Variants in ARHGEF3 observed in about 807,000 individuals in gnomAD.
ARHGEF3 encodes 59.8 kDA protein.
ARHGEF3 carries 28 observed loss-of-function variants against 63.2 expected under a neutral mutation model. The observed-to-expected ratio is 0.44, with a 90% CI of 0.33 to 0.61. ARHGEF3 has a LOEUF of 0.61. Among genes scored for constraint, ARHGEF3 ranks in the 20% least tolerant of loss-of-function variants. The pLI is 0.03. For missense variants in ARHGEF3, 533 were observed against 659.3 expected, an observed-to-expected ratio of 0.81 and a Z score of 2.10; for synonymous variants, 266 against 254.2, an observed-to-expected ratio of 1.05 and a Z score of -0.44.
chr3:56,994,377 C>CTGAA (rs1701893422), intron 2 of ARHGEF3, among the ~76,000 whole-genome samples: 1 of 152,140 alleles, frequency 6.6e-6, no homozygotes, highest in Non-Finnish European at 1.5e-5. Flanking sequence ...GGGCACTGAC[C>CTGAA]TGAATCATCC....
At chr3:56,939,653 G>A (rs565183072) in intron 3 of ARHGEF3, 1 of 152,084 alleles carries the variant, frequency 6.6e-6, no homozygotes, top group African/African-American at 2.4e-5. Context: ...CAAACAGGCT[G>A]TTCTTGCTCC....
intron 7 of ARHGEF3, 149 bp downstream of exon 7, chr3:56,745,056 A>G: frequency 9.5e-7 from 1 of 1,049,160 alleles, no homozygotes; most frequent in Non-Finnish European, 1.4e-6. Context: ...TTGCAAAATC[A>G]AAACATGGTT....
intron 1 of ARHGEF3, among the ~76,000 whole-genome samples, chr3:57,065,672 C>A (rs1348679419): frequency 6.6e-6 from 1 of 152,106 alleles, no homozygotes; most frequent in East Asian, 1.9e-4. Flanking sequence ...ATACCATGTT[C>A]TCATACAGGC....
At chr3:56,809,403 G>A (rs9859920) in intron 4 of ARHGEF3, among the ~76,000 whole-genome samples, 37,953 of 152,050 alleles carry the variant, frequency 0.25, 5,148 homozygotes, top group African/African-American at 0.34. Context: ...TTTGTTTTGG[G>A]GGGCAGAAAT....
At chr3:57,033,646 C>T (rs1485760593) in intron 2 of ARHGEF3, among the ~76,000 whole-genome samples, 1 of 152,022 alleles carries the variant, frequency 6.6e-6, no homozygotes, top group Non-Finnish European at 1.5e-5. Flanking sequence ...GTGGTTACTT[C>T]TGGGAAGGGC....
rs534104881 is a variant in ARHGEF3 at position 56,978,211 on chromosome 3, G to A, written c.63-19322C>T. On this transcript the variant is annotated intron_variant, in intron 2 of 12. Coordinates refer to the ARHGEF3 transcript ENST00000338458. ...CTGGACAAAACACCTTTTAACACAT[G>A]AAAACCATGAATGAACCTTCAGAAG... is the stretch of plus-strand genomic sequence containing the variant. Among the ~76,000 whole-genome samples, 12 of 152,266 alleles carry A rather than the reference G, an allele frequency of 7.9e-5. No individual in the cohort carries two copies. In the South Asian group the frequency reaches 2.3e-3, roughly 29 times the overall value.
At chr3:56,957,214 C>T (rs900729606) in intron 3 of ARHGEF3, among the ~76,000 whole-genome samples, 1 of 152,196 alleles carries the variant, frequency 6.6e-6, no homozygotes, top group Non-Finnish European at 1.5e-5. Context: ...ACACATTTCT[C>T]TTTGTACTCA....
At chr3:56,810,436 G>A (rs777224756) in intron 4 of ARHGEF3, among the ~76,000 whole-genome samples, 23 of 152,224 alleles carry the variant, frequency 1.5e-4, no homozygotes, top group African/African-American at 5.3e-4. Flanking sequence ...CCAGCTACTC[G>A]GGAGGCTTGA....
chr3:56,991,481 T>C (rs760809735), intron 2 of ARHGEF3, among the ~76,000 whole-genome samples: 3 of 152,226 alleles, frequency 2.0e-5, no homozygotes, highest in Non-Finnish European at 4.4e-5. Context: ...TGCTTTTGAT[T>C]AGGGCCCAGA....
chr3:56,827,944 CA>C (rs11462683), intron 4 of ARHGEF3, among the ~76,000 whole-genome samples: 8 of 33,814 alleles, frequency 2.4e-4, no homozygotes, highest in African/African-American at 9.9e-4. Flanking sequence ...GATTCTGTCT[CA>C]AAAAAAAAAA....
chr3:56,808,218 A>G (rs2037935111), intron 4 of ARHGEF3, among the ~76,000 whole-genome samples: 1 of 152,152 alleles, frequency 6.6e-6, no homozygotes, highest in South Asian at 2.1e-4. Flanking sequence ...AAAACTGGTT[A>G]AAGGAGAGTA....
intron 3 of ARHGEF3, among the ~76,000 whole-genome samples, chr3:56,923,169 A>G (rs1006968974): frequency 6.6e-6 from 1 of 150,712 alleles, no homozygotes; most frequent in South Asian, 2.1e-4. Flanking sequence ...CAGAGGTTGC[A>G]GTGAGCCAAG....
chr3:56,954,624 C>T (rs539510366), intron 3 of ARHGEF3, among the ~76,000 whole-genome samples: 3 of 152,320 alleles, frequency 2.0e-5, no homozygotes, highest in East Asian at 3.9e-4. Flanking sequence ...CACAGTGCCA[C>T]ACCTTGCTCA....
chr3:56,902,708 C>T (rs545728147), intron 3 of ARHGEF3, among the ~76,000 whole-genome samples: 28 of 152,326 alleles, frequency 1.8e-4, no homozygotes, highest in African/African-American at 6.3e-4. Context: ...GCCAGTGAAG[C>T]TGGCCCTGGT....
intron 7 of ARHGEF3, 133 bp downstream of exon 7, chr3:56,745,072 C>T: frequency 1.8e-6 from 2 of 1,132,768 alleles, no homozygotes; most frequent in East Asian, 2.4e-5. Context: ...TGGTTGATGG[C>T]AGTGCCAGGC....
intron 1 of ARHGEF3, among the ~76,000 whole-genome samples, chr3:57,058,688 G>A (rs1210113756): frequency 1.3e-5 from 2 of 152,048 alleles, no homozygotes; most frequent in Non-Finnish European, 2.9e-5. Flanking sequence ...AAAGACACAT[G>A]CACACGTATG....
At chr3:57,059,107 G>A (rs907364581) in intron 1 of ARHGEF3, among the ~76,000 whole-genome samples, 13 of 152,054 alleles carry the variant, frequency 8.5e-5, no homozygotes, top group South Asian at 2.1e-4. Context: ...AAACCTGCAC[G>A]TTGTGCACAT....
At chr3:56,815,709 T>C (rs958943092) in intron 4 of ARHGEF3, among the ~76,000 whole-genome samples, 1 of 152,248 alleles carries the variant, frequency 6.6e-6, no homozygotes, top group Non-Finnish European at 1.5e-5. Context: ...CTCGGTTACA[T>C]AGTGCCTGTG....
intron 1 of ARHGEF3, 122 bp from the exon 2 acceptor site, chr3:56,773,938 A>G (rs1181432981): frequency 6.4e-6 from 5 of 779,848 alleles, no homozygotes; most frequent in Non-Finnish European, 9.7e-6. Context: ...TATGGAATAT[A>G]AAGTGTCACG....
Sources: gnomAD v4.1 joint callset for allele counts (sites outside exome capture counted in the v4.1 genomes callset) on GRCh38, gnomAD v4.1.1 for gene constraint, MANE v1.5 for transcripts, NCBI Gene and HGNC (gene_info 2026-07-23, HGNC 2026-07-21) for gene names.